C12orf42: variants seen among roughly 807,000 people sequenced by gnomAD.
The protein encoded by C12orf42 is chromosome 12 open reading frame 42.
In C12orf42, 25 loss-of-function variants were observed where a neutral mutation model predicts 21.6. That is an observed-to-expected ratio of 1.16 (90% CI 0.84 to 1.62). C12orf42 has a LOEUF of 1.62. C12orf42 is among the 40% of genes most tolerant of loss of function. The pLI, the probability that C12orf42 is intolerant of heterozygous loss-of-function variation, is 0.00. For missense variants in C12orf42, 483 were observed against 459.3 expected, an observed-to-expected ratio of 1.05 and a Z score of -0.47; for synonymous variants, 174 against 175.0, an observed-to-expected ratio of 0.99 and a Z score of 0.05.
chr12:103,430,959 G>A (rs1055539555), intron 2 of C12orf42, among the ~76,000 whole-genome samples: 2 of 152,148 alleles, frequency 1.3e-5, no homozygotes. Context: ...ACTGGGGCCT[G>A]TTGAGGGGTA....
intron 4 of C12orf42, among the ~76,000 whole-genome samples, chr12:103,284,220 T>C (rs1245586252): frequency 2.0e-5 from 3 of 152,242 alleles, no homozygotes; most frequent in Non-Finnish European, 1.5e-5. Flanking sequence ...TCTGGAGTTC[T>C]TATTTTTAGT....
the C12orf42 span, among the ~76,000 whole-genome samples, chr12:103,182,940 T>G: frequency 6.6e-6 from 1 of 152,268 alleles, no homozygotes; most frequent in Non-Finnish European, 1.5e-5. Context: ...TTATAACATA[T>G]GCAGTTTCAA....
At chr12:103,456,102 TAC>T in intron 2 of C12orf42, 1 of 152,046 alleles carries the variant, frequency 6.6e-6, no homozygotes, top group Non-Finnish European at 1.5e-5. Context: ...TGTCTGCAAA[TAC>T]CCCACATCTC....
intron 2 of C12orf42, among the ~76,000 whole-genome samples, chr12:103,409,479 G>T (rs930185764): frequency 6.6e-6 from 1 of 152,180 alleles, no homozygotes; most frequent in East Asian, 1.9e-4. Flanking sequence ...ACGGGCAGAA[G>T]TTAGATTTAC....
At chr12:103,103,620 AG>A in the C12orf42 span, among the ~76,000 whole-genome samples, 2 of 152,150 alleles carry the variant, frequency 1.3e-5, no homozygotes, top group Non-Finnish European at 2.9e-5. Flanking sequence ...AGATATTTTG[AG>A]CCCAATATTT....
chr12:103,466,268 G>C (rs1038021340), intron 2 of C12orf42, among the ~76,000 whole-genome samples: 1 of 152,000 alleles, frequency 6.6e-6, no homozygotes, highest in Non-Finnish European at 1.5e-5. Context: ...ACTGTGTCGT[G>C]AGTAAAATTT....
At chr12:103,540,631 A>G in the C12orf42 span, among the ~76,000 whole-genome samples, 3 of 152,174 alleles carry the variant, frequency 2.0e-5, no homozygotes, top group African/African-American at 7.2e-5. Flanking sequence ...GTGGCCTGCT[A>G]TATCATTTCC....
At chr12:103,360,182 G>A (rs73185870) in intron 4 of C12orf42, among the ~76,000 whole-genome samples, 21,350 of 144,950 alleles carry the variant, frequency 0.15, 1,870 homozygotes, top group South Asian at 0.29. Flanking sequence ...GGATGAAGGG[G>A]CAAAACTTAA....
the C12orf42 span, among the ~76,000 whole-genome samples, chr12:103,079,470 AT>A: frequency 2.7e-4 from 41 of 152,218 alleles, no homozygotes; most frequent in Non-Finnish European, 5.0e-4. Context: ...TTAATAGATG[AT>A]AATTAGAAGG....
chr12:103,529,773 A>C, the C12orf42 span, among the ~76,000 whole-genome samples: 1 of 152,178 alleles, frequency 6.6e-6, no homozygotes, highest in Non-Finnish European at 1.5e-5. Context: ...TGGCTATTTC[A>C]ATGGTGAGAC....
chr12:103,307,757 T>C (rs1566049702), intron 4 of C12orf42, among the ~76,000 whole-genome samples: 1 of 152,006 alleles, frequency 6.6e-6, no homozygotes, highest in Non-Finnish European at 1.5e-5. Flanking sequence ...CATGCACATG[T>C]GTGCACATGT....
chr12:103,476,114 T>A (rs1954030232), intron 2 of C12orf42, among the ~76,000 whole-genome samples: 1 of 152,190 alleles, frequency 6.6e-6, no homozygotes, highest in South Asian at 2.1e-4. Flanking sequence ...AGTAAGTGGC[T>A]AGGATGTCAG....
At chr12:103,055,484 T>C in the C12orf42 span, among the ~76,000 whole-genome samples, 1 of 151,972 alleles carries the variant, frequency 6.6e-6, no homozygotes, top group Admixed American at 6.6e-5. Flanking sequence ...GTCAATTTTA[T>C]TATCTTCCAA....
At chr12:103,536,599 T>A in the C12orf42 span, among the ~76,000 whole-genome samples, 1 of 152,172 alleles carries the variant, frequency 6.6e-6, no homozygotes, top group African/African-American at 2.4e-5. Context: ...AGCCATCACA[T>A]GTCCAACAAC....
the C12orf42 span, among the ~76,000 whole-genome samples, chr12:103,087,438 C>T: frequency 7.9e-5 from 12 of 152,208 alleles, no homozygotes; most frequent in East Asian, 5.8e-4. Context: ...TAGCAGAGCC[C>T]GTTAAACCTG....
chr12:103,526,930 G>C, the C12orf42 span, among the ~76,000 whole-genome samples: 1 of 152,196 alleles, frequency 6.6e-6, no homozygotes, highest in Non-Finnish European at 1.5e-5. Context: ...CTACCAAACA[G>C]TAGAACAGAA....
downstream of C12orf42, among the ~76,000 whole-genome samples, chr12:103,263,718 G>A (rs936927347): frequency 2.8e-4 from 42 of 152,178 alleles, no homozygotes; most frequent in South Asian, 2.1e-4. Flanking sequence ...ATCTCAAGTC[G>A]TCCCATATAA....
exon 7 of C12orf42, chr12:103,268,609 C>CT (rs2035288751): frequency 6.6e-6 from 1 of 151,856 alleles, no homozygotes; most frequent in East Asian, 1.9e-4. Context: ...GCATTATATA[C>CT]TTGGAGAAAA....
At chr12:103,513,863 A>C in the C12orf42 span, among the ~76,000 whole-genome samples, 2 of 152,224 alleles carry the variant, frequency 1.3e-5, no homozygotes, top group African/African-American at 4.8e-5. Context: ...AAAAAAAAAA[A>C]CAAGTATATG....
Sources: allele counts gnomAD v4.1 joint callset (sites outside exome capture counted in the v4.1 genomes callset), GRCh38; gene constraint gnomAD v4.1.1; transcripts MANE v1.5; gene names NCBI Gene and HGNC (gene_info 2026-07-23, HGNC 2026-07-21).